Variants in NXPE4 observed in about 807,000 individuals in gnomAD.
The protein encoded by NXPE4 is NXPE family member 4.
Under a neutral mutation model 33.3 loss-of-function variants are expected in NXPE4, and 42 were observed. That is an observed-to-expected ratio of 1.26 (90% CI 0.98 to 1.63). The LOEUF (loss-of-function observed/expected upper bound fraction) is 1.63, where lower values mean the gene tolerates loss of function less well. Ranked by LOEUF, NXPE4 falls within the 40% of genes most tolerant of loss-of-function variation. NXPE4 has a pLI of 0.00. For synonymous variants in NXPE4, 253 were observed against 234.9 expected (o/e 1.08, Z -0.71); for missense variants, 709 against 647.6 (o/e 1.09, Z -1.03).
the NXPE4 span, among the ~76,000 whole-genome samples, chr11:114,609,936 T>C: frequency 6.6e-6 from 1 of 151,890 alleles, no homozygotes; most frequent in Non-Finnish European, 1.5e-5. Flanking sequence ...TAATAAGTGT[T>C]GCCTCGTGGG....
the NXPE4 span, among the ~76,000 whole-genome samples, chr11:114,628,724 A>G: frequency 1.3e-5 from 2 of 151,560 alleles, no homozygotes; most frequent in African/African-American, 4.9e-5. Flanking sequence ...AAAATTAACG[A>G]ATCCAGGAGC....
At chr11:114,588,490 G>T (rs1480388593) in intron 2 of NXPE4, among the ~76,000 whole-genome samples, 4 of 152,098 alleles carry the variant, frequency 2.6e-5, no homozygotes, top group Non-Finnish European at 4.4e-5. Flanking sequence ...AGCTCTGCAG[G>T]CAGGGGAGAA....
chr11:114,677,736 C>T, the NXPE4 span, among the ~76,000 whole-genome samples: 4 of 151,992 alleles, frequency 2.6e-5, no homozygotes, highest in African/African-American at 4.8e-5. Context: ...GAAGTATACA[C>T]ATGTATATAT....
the NXPE4 span, among the ~76,000 whole-genome samples, chr11:114,613,837 G>A: frequency 1.2e-4 from 18 of 151,580 alleles, no homozygotes; most frequent in Non-Finnish European, 1.6e-4. Context: ...CTGTTACCCT[G>A]TGGATAATAC....
At chr11:114,606,726 A>T in the NXPE4 span, among the ~76,000 whole-genome samples, 1 of 151,920 alleles carries the variant, frequency 6.6e-6, no homozygotes, top group Admixed American at 6.6e-5. Context: ...CTCATGGGTA[A>T]CCACTGCTAC....
chr11:114,648,404 T>C, the NXPE4 span, among the ~76,000 whole-genome samples: 3 of 152,184 alleles, frequency 2.0e-5, no homozygotes. Context: ...GGAAGAATTC[T>C]CTCTTACTCA....
At chr11:114,671,076 A>AAT in the NXPE4 span, among the ~76,000 whole-genome samples, 3 of 146,710 alleles carry the variant, frequency 2.0e-5, no homozygotes, top group East Asian at 1.9e-4. Flanking sequence ...CATAAATATA[A>AAT]ATATATATAT....
At chr11:114,613,188 G>T in the NXPE4 span, among the ~76,000 whole-genome samples, 1 of 151,832 alleles carries the variant, frequency 6.6e-6, no homozygotes, top group East Asian at 1.9e-4. Context: ...TGCCTCTAGG[G>T]TAACCACTGT....
the NXPE4 span, among the ~76,000 whole-genome samples, chr11:114,649,268 C>A: frequency 2.6e-5 from 4 of 152,168 alleles, no homozygotes; most frequent in South Asian, 8.3e-4. Context: ...ATGAACCACA[C>A]AAAGACTTGC....
the NXPE4 span, among the ~76,000 whole-genome samples, chr11:114,648,517 G>C: frequency 1.1e-3 from 162 of 152,222 alleles, no homozygotes; most frequent in African/African-American, 3.8e-3. Context: ...TAATTTAAAC[G>C]TTAATCTACC....
chr11:114,644,815 G>A, the NXPE4 span, among the ~76,000 whole-genome samples: 2 of 150,962 alleles, frequency 1.3e-5, no homozygotes, highest in Non-Finnish European at 2.9e-5. Context: ...CACCCTGCCA[G>A]ATATCAATTT....
the NXPE4 span, among the ~76,000 whole-genome samples, chr11:114,632,639 A>C: frequency 2.0e-5 from 2 of 98,248 alleles, no homozygotes; most frequent in South Asian, 5.5e-4. Context: ...TAATAAATGT[A>C]AATAATAAAT....
At chr11:114,661,385 G>A in the NXPE4 span, among the ~76,000 whole-genome samples, 36 of 152,266 alleles carry the variant, frequency 2.4e-4, no homozygotes, top group South Asian at 2.3e-3. Flanking sequence ...CCACAAGTCA[G>A]GCAAAGCAAC....
At chr11:114,627,706 T>G in the NXPE4 span, among the ~76,000 whole-genome samples, 2 of 152,078 alleles carry the variant, frequency 1.3e-5, no homozygotes. Flanking sequence ...AATGCTCCAA[T>G]TAAAAGACAC....
At chr11:114,641,293 G>T in the NXPE4 span, among the ~76,000 whole-genome samples, 14,011 of 151,906 alleles carry the variant, frequency 0.092, 825 homozygotes, top group Middle Eastern at 0.2. Context: ...ATTCCAGAAA[G>T]GTAGTGTAAA....
At chr11:114,649,575 C>A in the NXPE4 span, among the ~76,000 whole-genome samples, 1 of 152,232 alleles carries the variant, frequency 6.6e-6, no homozygotes, top group South Asian at 2.1e-4. Flanking sequence ...GCCTGGGCAA[C>A]TAGGTAAAAA....
rs746253236 is a variant in NXPE4 at position 114,594,769 on chromosome 11, C to T, written c.-10G>A. 1.5e-6 allele frequency: 2 copies of T among 1,352,476 alleles called. No individual in the cohort carries two copies. Among genetic ancestry groups the T allele is most frequent in the East Asian group, 2.3e-5 (1 of 43,292 alleles). The allele number at this position is 1,352,476 out of a possible 1,614,324, so 83.8% of individuals were successfully genotyped here. A position where few individuals can be genotyped will look rare whatever the true frequency, so the allele number is the denominator to read the frequency against. On this transcript the variant is annotated splice_region_variant and 5_prime_UTR_variant, in exon 2 of 6. Transcript: ENST00000375478. ...TCATACTTATTTTCATGATTAGGATCCTACAAGAGACAATACAAAAACAAG... is the reference window on the plus strand; with the variant it reads ...TCATACTTATTTTCATGATTAGGATTCTACAAGAGACAATACAAAAACAAG...
chr11:114,583,014 G>A lies in NXPE4; in HGVS notation c.104C>T (p.Ser35Phe), dbSNP rs1949192221. 6.2e-7 allele frequency: 1 copy of A among 1,605,522 alleles called. No homozygotes were observed. Among genetic ancestry groups the A allele is most frequent in the Admixed American group, 1.7e-5 (1 of 59,284 alleles). Residue 35 changes from serine to phenylalanine, a missense_variant, in exon 3 of 6, where the codon TCT (serine) becomes TTT (phenylalanine). By Grantham distance (155) the Ser-to-Phe change is radical. Coordinates refer to ENST00000375478, the MANE Select transcript of NXPE4 (RefSeq NM_001077639.2). ...GAGGGAGATGGATAAGTTTAGAGCA[G>A]ACCAAACCTGAAATGACAGCAAATG... Reference protein sequence around the residue: ...TVFQNSTKVWSALNLSISLHY... With the variant: ...TVFQNSTKVWFALNLSISLHY...
the NXPE4 span, among the ~76,000 whole-genome samples, chr11:114,616,481 C>T: frequency 2.6e-5 from 4 of 151,626 alleles, no homozygotes; most frequent in Admixed American, 6.6e-5. Flanking sequence ...AGTGTTGCCT[C>T]GAGGGTAACC....
Sources: gnomAD v4.1 joint callset for allele counts (sites outside exome capture counted in the v4.1 genomes callset) on GRCh38, gnomAD v4.1.1 for gene constraint, MANE v1.5 for transcripts, NCBI Gene and HGNC (gene_info 2026-07-23, HGNC 2026-07-21) for gene names.